MATN2: variants seen among roughly 807,000 people sequenced by gnomAD.
The protein encoded by MATN2 is matrilin-2.
Under a neutral mutation model 103.2 loss-of-function variants are expected in MATN2, and 69 were observed. The ratio of observed to expected loss-of-function variants is 0.67; its 90% CI spans 0.55 to 0.82. The LOEUF (loss-of-function observed/expected upper bound fraction) is 0.82. Ranked by LOEUF, MATN2 falls within the 40% of genes least tolerant of loss-of-function variation. The probability of loss-of-function intolerance (pLI) is 0.00; values close to 1 mark genes in which losing one functional copy is unlikely to be tolerated. For synonymous variants in MATN2, 429 were observed against 450.2 expected (o/e 0.95, Z 0.60); for missense variants, 1,023 against 1,211.5 (o/e 0.84, Z 2.31).
At chr8:97,936,152 A>G (rs1810363087) in intron 3 of MATN2, among the ~76,000 whole-genome samples, 1 of 152,000 alleles carries the variant, frequency 6.6e-6, no homozygotes, top group Admixed American at 6.6e-5. Context: ...AGATGACCAA[A>G]CCCCACACAT....
At chr8:97,890,357 C>A (rs190518913) in intron 2 of MATN2, among the ~76,000 whole-genome samples, 1 of 151,534 alleles carries the variant, frequency 6.6e-6, no homozygotes, top group African/African-American at 2.4e-5. Flanking sequence ...CCCAGCTACT[C>A]GGGAGGCTGA....
At chr8:97,979,153 A>G (rs1047966520) in intron 6 of MATN2, 145 bp downstream of exon 6, 1 of 925,048 alleles carries the variant, frequency 1.1e-6, no homozygotes, top group African/African-American at 1.7e-5. Flanking sequence ...CTCCTCTGTC[A>G]GGACTTTCAT....
At chr8:97,969,312 C>T (rs1222331448) in intron 5 of MATN2, among the ~76,000 whole-genome samples, 3 of 152,176 alleles carry the variant, frequency 2.0e-5, no homozygotes, top group Non-Finnish European at 2.9e-5. Flanking sequence ...ACATCCAGAC[C>T]GTATCACTAA....
intron 6 of MATN2, 29 bp downstream of exon 6, chr8:97,979,037 G>A (rs1811939286): frequency 6.3e-7 from 1 of 1,587,118 alleles, no homozygotes; most frequent in Non-Finnish European, 8.6e-7. Flanking sequence ...CACACACAGA[G>A]AAATATTTGC....
chr8:97,876,967 T>G (rs1386019045), intron 1 of MATN2, among the ~76,000 whole-genome samples: 1 of 151,952 alleles, frequency 6.6e-6, no homozygotes. Context: ...TTTTCTGTAC[T>G]ATTGTTAAGG....
At chr8:98,015,291 C>A (rs1813319563) in intron 10 of MATN2, among the ~76,000 whole-genome samples, 1 of 152,196 alleles carries the variant, frequency 6.6e-6, no homozygotes, top group Admixed American at 6.5e-5. Context: ...AAGCTCCATT[C>A]TGTGCAGAGC....
intron 16 of MATN2, 46 bp from the exon 17 acceptor site, chr8:98,032,996 C>T: frequency 6.4e-7 from 1 of 1,565,130 alleles, no homozygotes; most frequent in Non-Finnish European, 8.6e-7. Flanking sequence ...GTTTTATAAC[C>T]AAAAGCGTTA....
intron 11 of MATN2, 125 bp from the exon 12 acceptor site, chr8:98,017,869 T>G (rs1371576219): frequency 3.9e-6 from 4 of 1,026,708 alleles, no homozygotes; most frequent in Non-Finnish European, 5.9e-6. Flanking sequence ...TCCTGCCCCA[T>G]GGACCACTGA....
intron 2 of MATN2, among the ~76,000 whole-genome samples, chr8:97,926,522 A>G (rs1317465417): frequency 2.6e-5 from 4 of 152,220 alleles, no homozygotes; most frequent in Non-Finnish European, 4.4e-5. Context: ...ATCAGGTCTG[A>G]CCATGGTGAG....
rs111979960 is a variant in MATN2, at chr8:97,882,932, T to G, written c.-26-5143T>G. Among the ~76,000 whole-genome samples the G allele has an allele frequency of 5.0e-3, 758 of 152,294 alleles. 8 individuals carry two copies. The highest frequency in any genetic ancestry group is 0.017 in the African/African-American group (724 of 41,566). On this transcript the variant is annotated intron_variant, in intron 1 of 18. Transcript: ENST00000254898. ...TATGTTTATTTTTCATCCGTGTATCTTCTTTGGTGATGTGACTATTCAAAT... is the reference window on the plus strand; with the variant it reads ...TATGTTTATTTTTCATCCGTGTATCGTCTTTGGTGATGTGACTATTCAAAT...
intron 10 of MATN2, among the ~76,000 whole-genome samples, chr8:98,012,995 T>C (rs1019125029): frequency 1.3e-5 from 2 of 152,254 alleles, no homozygotes; most frequent in Non-Finnish European, 2.9e-5. Flanking sequence ...GCTGAATGAA[T>C]GGACTTACTG....
At chr8:97,914,505 G>A (rs1809555334) in intron 2 of MATN2, among the ~76,000 whole-genome samples, 1 of 151,104 alleles carries the variant, frequency 6.6e-6, no homozygotes. Context: ...CATGTAGCGA[G>A]GACTACAGGC....
rs1810178519 is a variant in MATN2, at chr8:97,931,221, G to T, written c.411G>T (p.Gly137=). 1.2e-6 allele frequency: 2 copies of T among 1,613,568 alleles called. No individual in the cohort carries two copies. Among genetic ancestry groups the T allele is most frequent in the African/African-American group, 2.7e-5 (2 of 74,912 alleles). The part of the protein sequence containing the change: ...MRHLSTGTMT[G]LAIQYALNIA... ...ATCTGTCCACGGGCACCATGACTGG[G>T]CTGGCCATCCAGTATGCCCTGAACA... The change falls in exon 3 of 19, where the codon GGG becomes GGT. Residue 137 remains glycine, a synonymous_variant. Transcript: ENST00000254898. This position sits in a 1 kb window ranked among gnomAD's most constrained non-coding sequence, Gnocchi z 4.1.
At chr8:98,007,000 C>A in intron 8 of MATN2, 105 bp from the exon 9 acceptor site, 1 of 1,249,158 alleles carries the variant, frequency 8.0e-7, no homozygotes, top group Admixed American at 2.0e-5. Flanking sequence ...AGAATGACAC[C>A]TTCCCTGTGG....
chr8:97,954,096 C>T (rs1361051002), intron 4 of MATN2, among the ~76,000 whole-genome samples: 3 of 152,018 alleles, frequency 2.0e-5, no homozygotes, highest in Admixed American at 6.6e-5. Context: ...CTCAAAAGTC[C>T]CTTACTTGAA....
chr8:98,022,697 G>T (rs1433814948), intron 13 of MATN2, among the ~76,000 whole-genome samples: 2 of 149,438 alleles, frequency 1.3e-5, no homozygotes, highest in Admixed American at 1.3e-4. Context: ...TTTCTACCAG[G>T]GAAGCTGCAT....
chr8:97,891,434 C>G lies in MATN2; in HGVS notation c.142+3192C>G, dbSNP rs117813496. 3.9e-3 allele frequency among the ~76,000 whole-genome samples: 590 copies of G among 152,240 alleles called. 17 individuals carry two copies. In the East Asian group the frequency reaches 0.063, roughly 16 times the overall value. On this transcript the variant is annotated intron_variant, in intron 2 of 18. Transcript: ENST00000254898. ...CTCGCTGCAGCCTTGACCTCTTGTG[C>G]TTAAGCAATCCTCCAACCTCAGCAT...
chr8:97,935,042 T>C (rs115852925), intron 3 of MATN2, among the ~76,000 whole-genome samples: 6 of 152,284 alleles, frequency 3.9e-5, no homozygotes, highest in African/African-American at 9.6e-5. Context: ...AATACAGTAT[T>C]CCACTTAATA....
chr8:97,917,430 C>T (rs151193888), intron 2 of MATN2, among the ~76,000 whole-genome samples: 1 of 152,176 alleles, frequency 6.6e-6, no homozygotes, highest in Non-Finnish European at 1.5e-5. Flanking sequence ...TGACATTCAG[C>T]CTGTATGTCG....
Sources: gnomAD v4.1 joint callset for allele counts (sites outside exome capture counted in the v4.1 genomes callset) on GRCh38, gnomAD v4.1.1 for gene constraint, Gnocchi (gnomAD v3.1) non-coding constraint, MANE v1.5 for transcripts, NCBI Gene and HGNC (gene_info 2026-07-23, HGNC 2026-07-21) for gene names.